Variants in PIK3R5 observed in about 807,000 individuals in gnomAD.
PIK3R5 encodes the protein phosphoinositide-3-kinase regulatory subunit 5, also known as phosphoinositide 3-kinase regulatory subunit 5.
PIK3R5 carries 32 observed loss-of-function variants against 94.9 expected under a neutral mutation model. That is an observed-to-expected ratio of 0.34 (90% CI 0.25 to 0.45). The LOEUF is 0.45. PIK3R5 is among the 20% of genes least tolerant of loss of function. The pLI is 1.00. For synonymous variants in PIK3R5, 443 were observed against 479.4 expected (o/e 0.92, Z 0.99); for missense variants, 853 against 1,144.6 (o/e 0.75, Z 3.68).
At chr17:8,929,513 C>G (rs2151439345) in intron 1 of PIK3R5, among the ~76,000 whole-genome samples, 1 of 152,152 alleles carries the variant, frequency 6.6e-6, no homozygotes, top group South Asian at 2.1e-4. Context: ...CACAGCAAAC[C>G]TAAATGTGTT....
chr17:8,888,636 G>A lies in PIK3R5; in HGVS notation c.1151C>T (p.Ser384Phe), dbSNP rs751365717. Reference protein sequence around the residue: ...HLLTSFVSGLSDGMDSGYVED... With the variant: ...HLLTSFVSGLFDGMDSGYVED... The stretch of plus-strand genomic sequence containing the variant: ...CACGTAGCCGCTGTCCATGCCATCA[G>A]AGAGGCCTGAGACAAAGGAAGTCAG... Residue 384 changes from serine (S) to phenylalanine (F), a missense_variant, in exon 10 of 19, where the codon TCT becomes TTT. By Grantham distance (155) the Ser-to-Phe change is radical (BLOSUM62 -2). Around this residue, in one of 6 missense-constraint regions of PIK3R5, gnomAD observed 319 missense variants for 339.8 expected, o/e 0.94. Transcript: ENST00000447110. This position sits in a 1 kb window ranked among gnomAD's most constrained non-coding sequence, Gnocchi z 7.8. 1.2e-6 allele frequency: 2 copies of A among 1,613,426 alleles called. No homozygotes were observed. Among genetic ancestry groups the A allele is most frequent in the Non-Finnish European group, 8.5e-7 (1 of 1,179,734 alleles).
Position 8,882,071 on chromosome 17 carries a change from C to A in PIK3R5, c.2206-190G>T, listed in dbSNP as rs573258450. On this transcript the variant is annotated intron_variant, in intron 15 of 18. Coordinates refer to ENST00000447110, the MANE Select transcript of PIK3R5 (RefSeq NM_001142633.3). The surrounding 1 kb of genome is among the most constrained non-coding windows in gnomAD (Gnocchi z 4.1). ...TGACTCCAGGGAAGAGCTCACGTCA[C>A]TGGCTTGGTCTAGGGGTCAGCAGCC... is the stretch of plus-strand genomic sequence containing the variant. 4.2e-5 allele frequency: 25 copies of A among 593,594 alleles called. No individual in the cohort carries two copies. Among genetic ancestry groups the A allele is most frequent in the Admixed American group, 1.5e-4 (5 of 34,180 alleles). 36.8% of individuals were successfully genotyped at this position (593,594 alleles called of 1,614,324 possible). A position where few individuals can be genotyped will look rare whatever the true frequency, so the allele number is the denominator to read the frequency against.
At chr17:8,930,110 C>T (rs548192636) in intron 1 of PIK3R5, among the ~76,000 whole-genome samples, 1 of 152,236 alleles carries the variant, frequency 6.6e-6, no homozygotes, top group African/African-American at 2.4e-5. Flanking sequence ...CATGTTAGAG[C>T]ACTCCACCTA....
intron 1 of PIK3R5, among the ~76,000 whole-genome samples, chr17:8,929,992 C>A (rs139188020): frequency 1.3e-5 from 2 of 152,116 alleles, no homozygotes; most frequent in African/African-American, 4.8e-5. Context: ...AAGAAATAAT[C>A]GGAGACTTCA....
chr17:8,881,987 T>C lies in PIK3R5; in HGVS notation c.2206-106A>G. ...CAGGGGGTTGCCTCTAGTTAGCATA[T>C]CCCCAGAAAGCCCTCTCTTATTCAC... is the stretch of plus-strand genomic sequence containing the variant. On this transcript the variant is annotated intron_variant, in intron 15 of 18. Transcript: ENST00000447110. The surrounding 1 kb of genome is among the most constrained non-coding windows in gnomAD (Gnocchi z 4.8). 1.2e-6 allele frequency: 1 copy of C among 812,436 alleles called. No homozygotes were observed. The highest frequency in any genetic ancestry group is 2.1e-6 in the Non-Finnish European group (1 of 483,048). 50.3% of individuals were successfully genotyped at this position (812,436 alleles called of 1,614,324 possible).
At position 8,958,389 on chromosome 17, in the gene PIK3R5, G is replaced by T. The variant is rs1368472226; in HGVS notation, c.-14+7207C>A. 3.9e-5 allele frequency among the ~76,000 whole-genome samples: 6 copies of T among 152,210 alleles called. No individual in the cohort carries two copies. The East Asian group carries it at 7.7e-4, about 20-fold the overall frequency. ...TTGAGTTTACTCCAGAAATGCAGAG[G>T]GCTCAATATGTGGAAGCTAATGATC... is the stretch of plus-strand genomic sequence containing the variant. On this transcript the variant is annotated intron_variant, in intron 1 of 18. Transcript: ENST00000447110.
At chr17:8,910,269 T>C (rs1381556581) in intron 2 of PIK3R5, among the ~76,000 whole-genome samples, 4 of 152,218 alleles carry the variant, frequency 2.6e-5, no homozygotes, top group African/African-American at 9.6e-5. Flanking sequence ...TTCTAGAGGC[T>C]TCTAACAATG....
intron 1 of PIK3R5, among the ~76,000 whole-genome samples, chr17:8,919,888 C>CTTTTTTTTTT (rs11290606): frequency 9.3e-6 from 1 of 107,622 alleles, no homozygotes. Context: ...CTTTTTCCTT[C>CTTTTTTTTTT]TTTTTTTTTT....
chr17:8,890,604 G>C lies in PIK3R5; in HGVS notation c.657+134C>G. On this transcript the variant is annotated intron_variant, in intron 7 of 18. Coordinates refer to ENST00000447110, the MANE Select transcript of PIK3R5 (RefSeq NM_001142633.3). The surrounding 1 kb of genome is among the most constrained non-coding windows in gnomAD (Gnocchi z 6.1). ...CACCCTCTATGAGGTCAGCCCTCCA[G>C]CCACCACCCTGCCATGTCACCTGGG... The C allele has an allele frequency of 1.2e-6, 1 of 810,880 alleles. No individual in the cohort carries two copies. The highest frequency in any genetic ancestry group is 1.9e-6 in the Non-Finnish European group (1 of 528,228). 50.2% of individuals were successfully genotyped at this position (810,880 alleles called of 1,614,324 possible). A position where few individuals can be genotyped will look rare whatever the true frequency, so the allele number is the denominator to read the frequency against.
At chr17:8,915,533 C>T (rs1212536067) in intron 1 of PIK3R5, among the ~76,000 whole-genome samples, 1 of 152,182 alleles carries the variant, frequency 6.6e-6, no homozygotes, top group Non-Finnish European at 1.5e-5. Flanking sequence ...GGCCAAGGCT[C>T]ACAGGAGTGT....
chr17:8,889,873 G>A lies in PIK3R5; in HGVS notation c.811+100C>T. 1.6e-6 allele frequency: 2 copies of A among 1,248,570 alleles called. No homozygotes were observed. The highest frequency in any genetic ancestry group is 2.6e-5 in the South Asian group (2 of 78,126). The allele number at this position is 1,248,570 out of a possible 1,614,324, so 77.3% of individuals were successfully genotyped here. ...GAAGAAGCTGAGTCCCTGAGTGACT[G>A]TGTGGAGCAGAGCCACCAGGCCCGC... is the stretch of plus-strand genomic sequence containing the variant. On this transcript the variant is annotated intron_variant, in intron 8 of 18. Transcript: ENST00000447110. This position sits in a 1 kb window ranked among gnomAD's most constrained non-coding sequence, Gnocchi z 4.1.
chr17:8,892,010 T>C lies in PIK3R5; in HGVS notation c.483-1098A>G, dbSNP rs537573386. ...CGCACGGCTGTTCTCACTTCCCCCA[T>C]GCCAACCCCTCCATCACTGCATGAC... On this transcript the variant is annotated intron_variant, in intron 6 of 18. Transcript: ENST00000447110. This position sits in a 1 kb window ranked among gnomAD's most constrained non-coding sequence, Gnocchi z 4.3. Among the ~76,000 whole-genome samples the C allele has an allele frequency of 6.6e-4, 100 of 152,148 alleles. No homozygotes were observed. The highest frequency in any genetic ancestry group is 1.3e-3 in the Non-Finnish European group (86 of 68,022).
chr17:8,889,073 C>A lies in PIK3R5; in HGVS notation c.895+66G>T. On this transcript the variant is annotated intron_variant, in intron 9 of 18. Coordinates refer to ENST00000447110, the MANE Select transcript of PIK3R5 (RefSeq NM_001142633.3). The surrounding 1 kb of genome is among the most constrained non-coding windows in gnomAD (Gnocchi z 4.1). The stretch of plus-strand genomic sequence containing the variant: ...GGGGACGGGGTGGGAGCTGCATGGA[C>A]CCAGGACCAGAAACACAGCTCAGGC... 6.4e-7 allele frequency: 1 copy of A among 1,552,748 alleles called. No homozygotes were observed. The highest frequency in any genetic ancestry group is 1.2e-5 in the South Asian group (1 of 84,334).
intron 1 of PIK3R5, among the ~76,000 whole-genome samples, chr17:8,960,688 G>T (rs1411719683): frequency 2.6e-5 from 4 of 152,206 alleles, no homozygotes; most frequent in African/African-American, 9.7e-5. Context: ...GGGGAGCCTG[G>T]CAGGAACTGG....
At chr17:8,964,347 C>T (rs904544100) in intron 1 of PIK3R5, among the ~76,000 whole-genome samples, 3 of 152,058 alleles carry the variant, frequency 2.0e-5, no homozygotes, top group Non-Finnish European at 4.4e-5. Flanking sequence ...GCCATGATCA[C>T]GCCACTGCAC....
At position 8,890,956 on chromosome 17, in the gene PIK3R5, C is replaced by G; in HGVS notation, c.483-44G>C. 6.3e-7 allele frequency: 1 copy of G among 1,584,366 alleles called. No individual in the cohort carries two copies. The highest frequency in any genetic ancestry group is 8.6e-7 in the Non-Finnish European group (1 of 1,164,236). On this transcript the variant is annotated intron_variant, in intron 6 of 18. Coordinates refer to ENST00000447110, the MANE Select transcript of PIK3R5 (RefSeq NM_001142633.3). The surrounding 1 kb of genome is among the most constrained non-coding windows in gnomAD (Gnocchi z 6.1). ...GGCTATGGCACCCAGGGGTGCGCAG[C>G]ATGCCACAGTGCAGCCACCCCCCTC...
At position 8,888,942 on chromosome 17, in the gene PIK3R5, C is replaced by A; in HGVS notation, c.896-51G>T. ...TCTGGGCGTCTGGGCCCCGGATCCC[C>A]TTCTATATTCCCTTTGGAGGGGAGA... is the stretch of plus-strand genomic sequence containing the variant. On this transcript the variant is annotated intron_variant, in intron 9 of 18. Coordinates refer to ENST00000447110, the MANE Select transcript of PIK3R5 (RefSeq NM_001142633.3). This position sits in a 1 kb window ranked among gnomAD's most constrained non-coding sequence, Gnocchi z 7.8. The A allele has an allele frequency of 6.4e-7, 1 of 1,553,876 alleles. No homozygotes were observed. The highest frequency in any genetic ancestry group is 1.2e-5 in the South Asian group (1 of 82,720).
intron 1 of PIK3R5, among the ~76,000 whole-genome samples, chr17:8,936,053 C>CAA (rs746258155): frequency 1.3e-3 from 84 of 63,942 alleles, no homozygotes; most frequent in African/African-American, 4.1e-3. Context: ...GACTCCATCT[C>CAA]AAAAAAAAAA....
intron 5 of PIK3R5, among the ~76,000 whole-genome samples, chr17:8,902,411 C>G (rs888421990): frequency 6.6e-6 from 1 of 151,786 alleles, no homozygotes; most frequent in Non-Finnish European, 1.5e-5. Flanking sequence ...TATGCCACCA[C>G]GCCCAAATAA....
Sources: gnomAD v4.1 joint callset for allele counts (sites outside exome capture counted in the v4.1 genomes callset) on GRCh38, gnomAD v4.1.1 for gene constraint, gnomAD v4.1.1 regional missense constraint, Gnocchi (gnomAD v3.1) non-coding constraint, MANE v1.5 for transcripts, NCBI Gene and HGNC (gene_info 2026-07-23, HGNC 2026-07-21) for gene names.